FRK: variants seen among roughly 807,000 people sequenced by gnomAD.
FRK encodes fyn related Src family tyrosine kinase.
FRK carries 51 observed loss-of-function variants against 56.4 expected under a neutral mutation model. The ratio of observed to expected loss-of-function variants is 0.90; its 90% CI spans 0.72 to 1.14. The LOEUF (loss-of-function observed/expected upper bound fraction) is 1.14. Ranked by LOEUF, FRK falls within the 50% of genes most tolerant of loss-of-function variation. The probability of loss-of-function intolerance (pLI) is 0.00; values close to 1 mark genes in which losing one functional copy is unlikely to be tolerated. For missense variants in FRK, 570 were observed against 601.4 expected (o/e 0.95, Z 0.55); for synonymous variants, 245 against 217.9 (o/e 1.12, Z -1.10).
intron 1 of FRK, among the ~76,000 whole-genome samples, chr6:116,055,601 A>G (rs1777362107): frequency 6.6e-6 from 1 of 152,236 alleles, no homozygotes; most frequent in Non-Finnish European, 1.5e-5. Flanking sequence ...GGAGACAGAA[A>G]TAAACTTTAT....
chr6:116,014,409 T>A (rs1775574663), intron 1 of FRK, among the ~76,000 whole-genome samples: 1 of 152,076 alleles, frequency 6.6e-6, no homozygotes, highest in African/African-American at 2.4e-5. Flanking sequence ...ATAAGGAGGA[T>A]GGAAGTGTTC....
At chr6:115,979,496 T>C (rs930138914) in intron 2 of FRK, among the ~76,000 whole-genome samples, 2 of 152,170 alleles carry the variant, frequency 1.3e-5, no homozygotes, top group Non-Finnish European at 2.9e-5. Flanking sequence ...TAAAAAGTTA[T>C]AGTAAGCTAA....
intron 4 of FRK, among the ~76,000 whole-genome samples, chr6:115,966,755 T>C (rs1773595412): frequency 6.6e-6 from 1 of 152,208 alleles, no homozygotes; most frequent in Admixed American, 6.5e-5. Context: ...GCAATAGTAA[T>C]AAATGTGAGT....
chr6:116,045,014 A>C (rs994055981), intron 1 of FRK, among the ~76,000 whole-genome samples: 29 of 152,142 alleles, frequency 1.9e-4, no homozygotes, highest in South Asian at 2.1e-4. Flanking sequence ...ACCTAGGAAT[A>C]CAACTTACAA....
intron 2 of FRK, among the ~76,000 whole-genome samples, chr6:115,983,229 T>C (rs903553718): frequency 6.6e-6 from 1 of 152,090 alleles, no homozygotes; most frequent in African/African-American, 2.4e-5. Flanking sequence ...AAGTAATTTG[T>C]CCCAGGATAC....
In FRK at chr6:115,953,180, A is replaced by ACTTTTTTTTTTTTTTTTTTTTTT. The variant is rs34026302; in HGVS notation, c.958+3271_958+3272insAAAAAAAAAAAAAAAAAAAAAAG. Among the ~76,000 whole-genome samples the ACTTTTTTTTTTTTTTTTTTTTTT allele has an allele frequency of 2.3e-4, 24 of 104,032 alleles. 11 individuals are homozygous for ACTTTTTTTTTTTTTTTTTTTTTT. Among genetic ancestry groups the ACTTTTTTTTTTTTTTTTTTTTTT allele is most frequent in the Admixed American group, 2.5e-4 (2 of 8,162 alleles). The allele number at this position is 104,032 out of a possible 152,430, so 68.2% of individuals were successfully genotyped here. A position where few individuals can be genotyped will look rare whatever the true frequency, so the allele number is the denominator to read the frequency against. ...AGAGTGGTACATCCATTTTAAGGCC[A>ACTTTTTTTTTTTTTTTTTTTTTT]TTTTTTTTTTTTTTTTTTTTTTTTT... is the stretch of plus-strand genomic sequence containing the variant. On this transcript the variant is annotated intron_variant, in intron 5 of 7. Transcript: ENST00000606080.
intron 1 of FRK, among the ~76,000 whole-genome samples, chr6:116,035,164 C>T (rs940979721): frequency 6.6e-6 from 1 of 151,936 alleles, no homozygotes; most frequent in African/African-American, 2.4e-5. Context: ...AGTAGAGATT[C>T]GTGTGCAGTA....
At chr6:115,990,878 A>G (rs1774576541) in intron 2 of FRK, among the ~76,000 whole-genome samples, 2 of 152,020 alleles carry the variant, frequency 1.3e-5, no homozygotes, top group Middle Eastern at 3.4e-3. Context: ...AGTCATTTTA[A>G]TGATATTATT....
At chr6:116,079,427 T>C in the FRK span, among the ~76,000 whole-genome samples, 1 of 151,978 alleles carries the variant, frequency 6.6e-6, no homozygotes, top group East Asian at 1.9e-4. Flanking sequence ...GAGTTCTTTC[T>C]GGATAAGGGC....
chr6:115,944,207 C>T, intron 6 of FRK, 37 bp downstream of exon 6: 2 of 1,537,140 alleles, frequency 1.3e-6, no homozygotes, highest in South Asian at 1.2e-5. Context: ...GACTTTTGAC[C>T]TATTACAAAA....
chr6:116,014,551 G>T (rs1366144297), intron 1 of FRK, among the ~76,000 whole-genome samples: 1 of 151,452 alleles, frequency 6.6e-6, no homozygotes, highest in East Asian at 1.9e-4. Context: ...GAACAGCAGT[G>T]GTCAGGGAAA....
intron 1 of FRK, chr6:116,038,746 C>T (rs1396997545): frequency 4.2e-6 from 2 of 480,490 alleles, no homozygotes; most frequent in Admixed American, 4.9e-5. Context: ...AGCACCTCAG[C>T]TCCAGCGCCA....
intron 1 of FRK, among the ~76,000 whole-genome samples, chr6:116,025,582 A>G (rs1294723637): frequency 6.6e-6 from 1 of 152,200 alleles, no homozygotes; most frequent in South Asian, 2.1e-4. Flanking sequence ...ACTCTTTTCC[A>G]GATATGATAA....
At chr6:115,996,572 C>A (rs1774849610) in intron 2 of FRK, among the ~76,000 whole-genome samples, 1 of 152,076 alleles carries the variant, frequency 6.6e-6, no homozygotes, top group African/African-American at 2.4e-5. Context: ...TGAAACACAG[C>A]AGATAGGAGG....
intron 2 of FRK, among the ~76,000 whole-genome samples, chr6:115,982,625 C>G (rs1774242626): frequency 6.6e-6 from 1 of 152,122 alleles, no homozygotes; most frequent in African/African-American, 2.4e-5. Context: ...GACCCTTACT[C>G]ATTCAGGAGT....
chr6:115,951,288 C>G (rs1478934460), intron 5 of FRK, among the ~76,000 whole-genome samples: 2 of 152,068 alleles, frequency 1.3e-5, no homozygotes, highest in Non-Finnish European at 2.9e-5. Context: ...ATACATGATC[C>G]TCTCCTATCA....
the FRK span, among the ~76,000 whole-genome samples, chr6:116,097,999 C>T: frequency 6.8e-6 from 1 of 146,146 alleles, no homozygotes; most frequent in East Asian, 2.1e-4. Context: ...GTTTAGACAA[C>T]AAAAAATTAT....
chr6:115,955,746 G>A (rs1772958042), intron 5 of FRK, among the ~76,000 whole-genome samples: 1 of 152,018 alleles, frequency 6.6e-6, no homozygotes, highest in Admixed American at 6.6e-5. Flanking sequence ...AAGAAATTAT[G>A]GAAGTCTCCT....
chr6:115,938,794 G>A lies in FRK; in HGVS notation c.*3620C>T, dbSNP rs1163842368. 6.6e-6 allele frequency: 1 copy of A among 152,062 alleles called. No homozygotes were observed. Among genetic ancestry groups the A allele is most frequent in the Non-Finnish European group, 1.5e-5 (1 of 68,014 alleles). 9.4% of individuals were successfully genotyped at this position (152,062 alleles called of 1,614,324 possible). A position where few individuals can be genotyped will look rare whatever the true frequency, so the allele number is the denominator to read the frequency against. The stretch of plus-strand genomic sequence containing the variant: ...CAGGAAGAAGATGAATCCCTAAATA[G>A]ACCAATAACAAGTTCTGAAATTGAG... On this transcript the variant is annotated 3_prime_UTR_variant, in exon 8 of 8. Coordinates refer to ENST00000606080, the MANE Select transcript of FRK (RefSeq NM_002031.3).
Sources: gnomAD v4.1 joint callset for allele counts (sites outside exome capture counted in the v4.1 genomes callset) on GRCh38, gnomAD v4.1.1 for gene constraint, MANE v1.5 for transcripts, NCBI Gene and HGNC (gene_info 2026-07-23, HGNC 2026-07-21) for gene names.